The following DSCAM variants were observed in gnomAD, a reference collection of about 807,000 sequenced individuals.
The protein encoded by DSCAM is DS cell adhesion molecule.
A neutral mutation model predicts 217.7 loss-of-function variants in DSCAM; 47 were observed. The observed-to-expected ratio is 0.22, with a 90% CI of 0.17 to 0.28. The LOEUF is 0.28. Ranked by LOEUF, DSCAM falls within the 10% of genes least tolerant of loss-of-function variation. DSCAM has a pLI of 1.00. For synonymous variants in DSCAM, 1,056 were observed against 1,015.3 expected (o/e 1.04, Z -0.76); for missense variants, 2,080 against 2,618.3 (o/e 0.79, Z 4.49).
chr21:40,671,995 G>GT (rs1291174935), intron 3 of DSCAM, among the ~76,000 whole-genome samples: 1 of 152,136 alleles, frequency 6.6e-6, no homozygotes, highest in Non-Finnish European at 1.5e-5. Flanking sequence ...CAGCCACTGT[G>GT]TATCTGGTGA....
At chr21:40,594,996 G>A (rs2077010931) in intron 3 of DSCAM, among the ~76,000 whole-genome samples, 1 of 152,158 alleles carries the variant, frequency 6.6e-6, no homozygotes, top group Non-Finnish European at 1.5e-5. Flanking sequence ...CTTCAAATAG[G>A]ACACCTTCTG....
chr21:40,434,639 A>C (rs767278851), intron 3 of DSCAM, among the ~76,000 whole-genome samples: 1 of 152,198 alleles, frequency 6.6e-6, no homozygotes, highest in African/African-American at 2.4e-5. Flanking sequence ...ATTAAACAAA[A>C]TAATGCAGCA....
intron 3 of DSCAM, among the ~76,000 whole-genome samples, chr21:40,493,879 A>ATAT (rs1165065917): frequency 0.037 from 4,958 of 135,176 alleles, 155 homozygotes; most frequent in South Asian, 0.082. Context: ...AAAAAAAAAA[A>ATAT]ATATATACAT....
chr21:40,504,979 T>C (rs1317719850), intron 3 of DSCAM, among the ~76,000 whole-genome samples: 2 of 152,204 alleles, frequency 1.3e-5, no homozygotes, highest in African/African-American at 2.4e-5. Flanking sequence ...GCTGTTTATA[T>C]GGTTCTCTGG....
intron 5 of DSCAM, among the ~76,000 whole-genome samples, chr21:40,350,409 CAG>C (rs1490092770): frequency 4.6e-5 from 7 of 152,108 alleles, no homozygotes; most frequent in Non-Finnish European, 5.9e-5. Context: ...GTCTAATATC[CAG>C]AGTCTACAAG....
chr21:40,821,791 T>C (rs1297281192), intron 1 of DSCAM, among the ~76,000 whole-genome samples: 1 of 151,974 alleles, frequency 6.6e-6, no homozygotes, highest in Non-Finnish European at 1.5e-5. Flanking sequence ...TGTCATCACT[T>C]ATAAATGGGA....
chr21:40,705,724 C>G (rs1369942650), intron 2 of DSCAM, among the ~76,000 whole-genome samples: 3 of 152,114 alleles, frequency 2.0e-5, no homozygotes, highest in African/African-American at 7.2e-5. Context: ...CTCCCAGGAC[C>G]CATGGGGATT....
chr21:40,035,290 CAT>C (rs2088598013), intron 32 of DSCAM, among the ~76,000 whole-genome samples: 1 of 98,864 alleles, frequency 1.0e-5, no homozygotes, highest in Non-Finnish European at 2.0e-5. Flanking sequence ...CAGAGACACA[CAT>C]AGGCTCAAAA....
At chr21:40,432,201 A>C (rs2075539976) in intron 3 of DSCAM, among the ~76,000 whole-genome samples, 1 of 151,006 alleles carries the variant, frequency 6.6e-6, no homozygotes, top group Non-Finnish European at 1.5e-5. Context: ...TGCCTCAAAA[A>C]TAATAATAAA....
intron 3 of DSCAM, among the ~76,000 whole-genome samples, chr21:40,381,057 C>G (rs574359115): frequency 6.2e-4 from 54 of 86,678 alleles, no homozygotes; most frequent in Admixed American, 6.3e-4. Context: ...AGCGAGACTC[C>G]GTCTCAAAAA....
intron 3 of DSCAM, among the ~76,000 whole-genome samples, chr21:40,645,342 TAA>T (rs1284687141): frequency 6.6e-6 from 1 of 151,978 alleles, no homozygotes; most frequent in Admixed American, 6.6e-5. Flanking sequence ...AAGTATCCGA[TAA>T]AGAGCAGTAT....
chr21:40,105,396 G>A (rs564525255), intron 20 of DSCAM, among the ~76,000 whole-genome samples: 53 of 152,274 alleles, frequency 3.5e-4, no homozygotes, highest in African/African-American at 1.3e-3. Context: ...CATGTGCCGT[G>A]GGAGGGACCC....
chr21:40,583,758 T>C (rs570837167), intron 3 of DSCAM, among the ~76,000 whole-genome samples: 20 of 152,254 alleles, frequency 1.3e-4, no homozygotes, highest in Admixed American at 1.2e-3. Flanking sequence ...CAAGGCAGGT[T>C]CATTGATAAC....
At chr21:40,693,037 T>G in intron 2 of DSCAM, 81 bp from the exon 3 acceptor site, 2 of 1,448,218 alleles carry the variant, frequency 1.4e-6, no homozygotes, top group Non-Finnish European at 1.9e-6. Context: ...ATATATACAC[T>G]GCAGCACACA....
intron 9 of DSCAM, among the ~76,000 whole-genome samples, chr21:40,306,873 T>C (rs916895000): frequency 6.6e-6 from 1 of 151,646 alleles, no homozygotes. Flanking sequence ...TTTGCATCAA[T>C]GTTCATCAAG....
At chr21:40,348,011 G>A in intron 5 of DSCAM, 66 bp from the exon 6 acceptor site, 1 of 1,512,106 alleles carries the variant, frequency 6.6e-7, no homozygotes, top group East Asian at 2.3e-5. Flanking sequence ...TTCGACAACA[G>A]GCTGGACTTT....
At chr21:40,053,640 C>G (rs1379287495) in intron 29 of DSCAM, among the ~76,000 whole-genome samples, 3 of 152,214 alleles carry the variant, frequency 2.0e-5, no homozygotes, top group Non-Finnish European at 4.4e-5. Flanking sequence ...TGAAGCACCA[C>G]AGTTCCACTT....
intron 20 of DSCAM, among the ~76,000 whole-genome samples, chr21:40,110,578 T>A (rs1846504174): frequency 6.6e-6 from 1 of 152,190 alleles, no homozygotes; most frequent in African/African-American, 2.4e-5. Context: ...ATGATTTTGA[T>A]GAGTTGAGAG....
intron 3 of DSCAM, among the ~76,000 whole-genome samples, chr21:40,456,222 A>C (rs1170888471): frequency 6.6e-6 from 1 of 152,120 alleles, no homozygotes; most frequent in Non-Finnish European, 1.5e-5. Context: ...GATATTAAAA[A>C]TTTAGCAAGA....
Sources: allele counts gnomAD v4.1 joint callset (sites outside exome capture counted in the v4.1 genomes callset), GRCh38; gene constraint gnomAD v4.1.1; transcripts MANE v1.5; gene names NCBI Gene and HGNC (gene_info 2026-07-23, HGNC 2026-07-21).